The following ABCA12 variants were observed in gnomAD, a reference collection of about 807,000 sequenced individuals.
ABCA12 encodes glucosylceramide transporter ABCA12.
ABCA12 carries 156 observed loss-of-function variants against 293.5 expected under a neutral mutation model. The observed-to-expected ratio is 0.53, with a 90% CI of 0.47 to 0.61. ABCA12 has a LOEUF of 0.61. ABCA12 is among the 20% of genes least tolerant of loss of function. The pLI is 0.00. For synonymous variants in ABCA12, 1,063 were observed against 1,108.0 expected, an observed-to-expected ratio of 0.96 and a Z score of 0.81; for missense variants, 2,797 against 3,090.2, an observed-to-expected ratio of 0.91 and a Z score of 2.25.
At position 215,004,258 on chromosome 2, in the gene ABCA12, G is replaced by C. The variant is rs940450327; in HGVS notation, c.2634C>G (p.Phe878Leu). Residue 878 changes from phenylalanine (F) to leucine (L), a missense_variant, in exon 20 of 53, where the codon TTC (phenylalanine) becomes TTG (leucine). Around this residue, in one of 3 missense-constraint regions of ABCA12, gnomAD observed 2,130 missense variants for 2,427.0 expected, o/e 0.88. Transcript: ENST00000272895. ...GTTCAACAGCATCGAGTCCCACGGAGAACTTTACAAAAACTTGCACAAAAG... is the reference window on the plus strand; with the variant it reads ...GTTCAACAGCATCGAGTCCCACGGACAACTTTACAAAAACTTGCACAAAAG... ...RNPFVQVFVKFSVGLDAVELL... is the reference protein window; with the variant it reads ...RNPFVQVFVKLSVGLDAVELL... 1.2e-6 allele frequency: 2 copies of C among 1,613,714 alleles called. No homozygotes were observed. The highest frequency in any genetic ancestry group is 1.7e-6 in the Non-Finnish European group (2 of 1,179,968).
chr2:214,998,365 C>G (rs1417948380), intron 22 of ABCA12, among the ~76,000 whole-genome samples: 2 of 152,206 alleles, frequency 1.3e-5, no homozygotes, highest in Admixed American at 6.5e-5. Context: ...ACCATGCTGG[C>G]CAGGCTGGTC....
Position 214,990,954 on chromosome 2 carries a change from AACC to A in ABCA12, c.3369_3371del (p.Val1124del). On this transcript the variant is annotated inframe_deletion, in exon 24 of 53. Coordinates refer to ENST00000272895, the MANE Select transcript of ABCA12 (RefSeq NM_173076.3). ...GTATAATGATGAGGATCACGATGGT[AACC>A]AGTAAAAATCCAACACTCTCTATAA... 1.9e-6 allele frequency: 3 copies of A among 1,614,138 alleles called. No individual in the cohort carries two copies. Among genetic ancestry groups the A allele is most frequent in the Non-Finnish European group, 2.5e-6 (3 of 1,179,994 alleles).
In ABCA12 at chr2:215,000,705, T is replaced by G. The variant is rs773188572; in HGVS notation, c.3179A>C (p.Asn1060Thr). The G allele has an allele frequency of 6.2e-7, 1 of 1,613,950 alleles. No individual in the cohort carries two copies. The highest frequency in any genetic ancestry group is 8.5e-7 in the Non-Finnish European group (1 of 1,179,912). Residue 1060 changes from asparagine (N) to threonine (T), a missense_variant and splice_region_variant, in exon 22 of 53, where the codon AAC (asparagine) becomes ACC (threonine). Physicochemically the swap from Asn to Thr is moderately conservative, Grantham distance 65 (BLOSUM62 0). Around this residue, in one of 3 missense-constraint regions of ABCA12, gnomAD observed 2,130 missense variants for 2,427.0 expected, o/e 0.88. Transcript: ENST00000272895. ...AAAGGCTGGAAGTGCACACACTTAC[T>G]TGTCTTTCATGAAGCAGGGATAAGG... ...AIPYPCFMKD[N>T]FLTSVSYSLP...
intron 10 of ABCA12, among the ~76,000 whole-genome samples, 176 bp from the exon 11 acceptor site, chr2:215,025,955 A>G (rs1348841175): frequency 6.6e-6 from 1 of 152,232 alleles, no homozygotes; most frequent in Non-Finnish European, 1.5e-5. Flanking sequence ...TGGGGACAAC[A>G]GAGTTCATTA....
chr2:215,125,302 T>C (rs1013402011), intron 1 of ABCA12, among the ~76,000 whole-genome samples: 1 of 152,176 alleles, frequency 6.6e-6, no homozygotes, highest in Non-Finnish European at 1.5e-5. Flanking sequence ...TGGTTCCATA[T>C]GAATTTTAGA....
chr2:215,045,236 C>T (rs1701178036), intron 7 of ABCA12, among the ~76,000 whole-genome samples: 1 of 152,120 alleles, frequency 6.6e-6, no homozygotes, highest in Admixed American at 6.6e-5. Flanking sequence ...TGGCCGTGCC[C>T]AGATCTCTTT....
At chr2:215,110,642 T>C (rs1006974772) in intron 2 of ABCA12, among the ~76,000 whole-genome samples, 10 of 152,232 alleles carry the variant, frequency 6.6e-5, no homozygotes, top group African/African-American at 2.4e-4. Context: ...CTATTGAGCA[T>C]GATTCACGTA....
intron 5 of ABCA12, among the ~76,000 whole-genome samples, chr2:215,051,383 C>A (rs1701316554): frequency 6.6e-6 from 1 of 152,008 alleles, no homozygotes; most frequent in Non-Finnish European, 1.5e-5. Flanking sequence ...AGTGTGATGC[C>A]ATTTCCTGGA....
intron 11 of ABCA12, chr2:215,022,729 T>C (rs1334091505): frequency 2.0e-5 from 3 of 152,014 alleles, no homozygotes; most frequent in Non-Finnish European, 2.9e-5. Flanking sequence ...GAATCGTAAG[T>C]GACATGATGG....
At chr2:215,054,707 A>G (rs1249627728) in intron 3 of ABCA12, 43 bp from the exon 4 acceptor site, 1 of 1,460,398 alleles carries the variant, frequency 6.8e-7, no homozygotes, top group South Asian at 1.1e-5. Context: ...CTCCCACATT[A>G]ATTTTAGTTA....
chr2:214,952,278 T>C (rs57506177), intron 44 of ABCA12, among the ~76,000 whole-genome samples: 1 of 150,496 alleles, frequency 6.6e-6, no homozygotes, highest in African/African-American at 2.4e-5. Context: ...TGGAGTGCAG[T>C]GGCGCCATCT....
chr2:215,059,938 A>G (rs1014839845), intron 3 of ABCA12, among the ~76,000 whole-genome samples: 10 of 151,936 alleles, frequency 6.6e-5, no homozygotes, highest in African/African-American at 2.4e-4. Context: ...TCTCAAATAT[A>G]CATTCTGCTA....
At chr2:214,943,238 A>G (rs973499304) in intron 49 of ABCA12, among the ~76,000 whole-genome samples, 1 of 152,036 alleles carries the variant, frequency 6.6e-6, no homozygotes, top group Non-Finnish European at 1.5e-5. Context: ...CCTTTGCTCT[A>G]GTAATCCTCC....
rs149433838 is a variant in ABCA12 at position 214,955,301 on chromosome 2, G to A, written c.6294C>T (p.Ala2098=). The change falls in exon 43 of 53, where the codon GCC becomes GCT. Residue 2098 remains alanine (A), a synonymous_variant. Transcript: ENST00000272895. ...AGTTGACACAGACGTAAGTGATGAAGGCCATTCCTGTTTCATGGAAGAGCC... is the reference window on the plus strand; with the variant it reads ...AGTTGACACAGACGTAAGTGATGAAAGCCATTCCTGTTTCATGGAAGAGCC... ...LAGLFHETGM[A]FITYVCVNLF... is the part of the protein sequence containing the mutation. 1.2e-4 allele frequency: 187 copies of A among 1,614,156 alleles called. 1 individual carries two copies. The African/African-American group carries it at 2.3e-3, about 20-fold the overall frequency.
At chr2:215,131,702 G>GTT (rs35844951) in intron 1 of ABCA12, among the ~76,000 whole-genome samples, 1 of 80,178 alleles carries the variant, frequency 1.2e-5, no homozygotes, top group African/African-American at 3.8e-5. Context: ...CCTTTCTATT[G>GTT]TTTTTTTTTT....
intron 2 of ABCA12, among the ~76,000 whole-genome samples, chr2:215,076,156 C>A (rs907662334): frequency 1.3e-5 from 2 of 152,130 alleles, no homozygotes; most frequent in African/African-American, 2.4e-5. Context: ...TTTCCTCAAC[C>A]AAAGATTTCC....
intron 39 of ABCA12, among the ~76,000 whole-genome samples, chr2:214,964,566 C>T (rs918135659): frequency 6.6e-6 from 1 of 152,118 alleles, no homozygotes; most frequent in African/African-American, 2.4e-5. Flanking sequence ...AAATTGCTAG[C>T]ATTCCTATAC....
chr2:215,117,148 A>G (rs1408839847), intron 1 of ABCA12, among the ~76,000 whole-genome samples: 1 of 152,214 alleles, frequency 6.6e-6, no homozygotes, highest in African/African-American at 2.4e-5. Context: ...ACATTTCTGT[A>G]AATTTGTTTT....
chr2:215,094,031 A>C (rs1165215781), intron 2 of ABCA12, among the ~76,000 whole-genome samples: 1 of 152,178 alleles, frequency 6.6e-6, no homozygotes, highest in Non-Finnish European at 1.5e-5. Flanking sequence ...CGTTGAGGCT[A>C]CCACTCTACC....
Sources: gnomAD v4.1 joint callset for allele counts (sites outside exome capture counted in the v4.1 genomes callset) on GRCh38, gnomAD v4.1.1 for gene constraint, gnomAD v4.1.1 regional missense constraint, MANE v1.5 for transcripts, NCBI Gene and HGNC (gene_info 2026-07-23, HGNC 2026-07-21) for gene names.